The following CSMD3 variants were observed in gnomAD, a reference collection of about 807,000 sequenced individuals.
CSMD3 encodes CUB and Sushi multiple domains 3.
A neutral mutation model predicts 435.2 loss-of-function variants in CSMD3; 177 were observed. The observed-to-expected ratio is 0.41, with a 90% CI of 0.36 to 0.46. The LOEUF is 0.46. Ranked by LOEUF, CSMD3 falls within the 20% of genes least tolerant of loss-of-function variation. The pLI is 0.34. For missense variants in CSMD3, 4,265 were observed against 4,504.6 expected (o/e 0.95, Z 1.52); for synonymous variants, 1,656 against 1,520.5 (o/e 1.09, Z -2.07).
At chr8:112,937,494 G>A (rs1841145) in intron 9 of CSMD3, among the ~76,000 whole-genome samples, 64,801 of 151,462 alleles carry the variant, frequency 0.43, 13,995 homozygotes, top group East Asian at 0.52. Context: ...GGGATTACAG[G>A]TGCCCACCAC....
At chr8:113,427,701 T>A (rs2094644177) in intron 1 of CSMD3, among the ~76,000 whole-genome samples, 1 of 151,616 alleles carries the variant, frequency 6.6e-6, no homozygotes, top group Non-Finnish European at 1.5e-5. Flanking sequence ...TGGATATGCA[T>A]ATTTTAATTT....
At chr8:112,809,147 T>A (rs537757881) in intron 12 of CSMD3, among the ~76,000 whole-genome samples, 1 of 152,274 alleles carries the variant, frequency 6.6e-6, no homozygotes, top group East Asian at 1.9e-4. Flanking sequence ...TTAACTGAAT[T>A]CTCTCTTAAT....
intron 61 of CSMD3, among the ~76,000 whole-genome samples, chr8:112,259,889 T>A (rs1816217044): frequency 6.6e-6 from 1 of 152,190 alleles, no homozygotes; most frequent in African/African-American, 2.4e-5. Flanking sequence ...TATAACTAAC[T>A]TATTGCCTAA....
At chr8:112,383,732 TC>T (rs1225572872) in intron 36 of CSMD3, 69 bp from the exon 37 acceptor site, 72 of 955,368 alleles carry the variant, frequency 7.5e-5, no homozygotes, top group Non-Finnish European at 8.4e-5. Context: ...AGTCCACCAA[TC>T]CCCCTTGGAA....
chr8:112,955,739 G>C (rs1374225526), intron 7 of CSMD3, among the ~76,000 whole-genome samples: 1 of 151,654 alleles, frequency 6.6e-6, no homozygotes, highest in Non-Finnish European at 1.5e-5. Context: ...CTCAGTTACA[G>C]TGTGGAAATC....
chr8:112,816,719 G>A (rs1463191633), intron 12 of CSMD3, among the ~76,000 whole-genome samples: 1 of 151,798 alleles, frequency 6.6e-6, no homozygotes, highest in East Asian at 1.9e-4. Context: ...AACAAACTAA[G>A]AGCAATGATA....
At chr8:113,167,585 T>C (rs1462135945) in intron 4 of CSMD3, among the ~76,000 whole-genome samples, 1 of 152,210 alleles carries the variant, frequency 6.6e-6, no homozygotes, top group Non-Finnish European at 1.5e-5. Flanking sequence ...TTAAGGTGCA[T>C]GATAGGGCTA....
At chr8:113,018,897 A>G in intron 6 of CSMD3, 170 bp downstream of exon 6, 1 of 626,702 alleles carries the variant, frequency 1.6e-6, no homozygotes, top group Non-Finnish European at 2.8e-6. Flanking sequence ...TAACTTTAAT[A>G]CTGTAATTTA....
intron 5 of CSMD3, among the ~76,000 whole-genome samples, chr8:113,035,579 GTA>G (rs1409525120): frequency 2.0e-5 from 3 of 151,914 alleles, no homozygotes; most frequent in Non-Finnish European, 4.4e-5. Flanking sequence ...CTATATGATT[GTA>G]TATGTTTGTC....
chr8:112,535,370 A>T (rs1429105583), intron 27 of CSMD3, among the ~76,000 whole-genome samples: 1 of 152,124 alleles, frequency 6.6e-6, no homozygotes, highest in Non-Finnish European at 1.5e-5. Context: ...ATTCTTATAC[A>T]CCAATAACAG....
chr8:112,952,705 C>CA (rs2083867498), intron 8 of CSMD3, among the ~76,000 whole-genome samples: 1 of 150,620 alleles, frequency 6.6e-6, no homozygotes, highest in Non-Finnish European at 1.5e-5. Context: ...TACTTATCTT[C>CA]AAAAAAATGA....
rs372773312 is a variant in CSMD3, at chr8:112,666,463, C to T, written c.2678-48G>A. The T allele has an allele frequency of 6.0e-5, 93 of 1,537,908 alleles. 2 individuals are homozygous for T. Among genetic ancestry groups the T allele is most frequent in the South Asian group, 1.1e-4 (10 of 87,738 alleles). On this transcript the variant is annotated intron_variant, in intron 16 of 70. Coordinates refer to ENST00000297405, the MANE Select transcript of CSMD3 (RefSeq NM_198123.2). The stretch of plus-strand genomic sequence containing the variant: ...TAAGAATAAAACATTCAAGATAAAT[C>T]GCAGATATTATTCTTAATACAAACA...
chr8:112,926,332 A>G (rs1036778628), intron 9 of CSMD3, among the ~76,000 whole-genome samples: 1 of 152,074 alleles, frequency 6.6e-6, no homozygotes, highest in Non-Finnish European at 1.5e-5. Context: ...CAAGGAGGAC[A>G]AGCTGTATCC....
chr8:112,318,692 A>T (rs921712872), intron 47 of CSMD3, 145 bp downstream of exon 47: 58 of 630,080 alleles, frequency 9.2e-5, no homozygotes, highest in Non-Finnish European at 1.6e-4. Context: ...TCTAAATGAA[A>T]TAGCACATAT....
intron 3 of CSMD3, among the ~76,000 whole-genome samples, chr8:113,247,571 T>C (rs1046499173): frequency 3.3e-5 from 5 of 152,110 alleles, no homozygotes; most frequent in Non-Finnish European, 5.9e-5. Flanking sequence ...TTTTCAGAGA[T>C]CTGAAAAAAT....
At chr8:113,157,770 T>A (rs1266598323) in intron 4 of CSMD3, among the ~76,000 whole-genome samples, 1 of 152,102 alleles carries the variant, frequency 6.6e-6, no homozygotes, top group Non-Finnish European at 1.5e-5. Flanking sequence ...TCTGAATACA[T>A]AACATCCTTA....
At chr8:113,247,035 T>C (rs148012870) in intron 3 of CSMD3, among the ~76,000 whole-genome samples, 1 of 152,290 alleles carries the variant, frequency 6.6e-6, no homozygotes, top group Non-Finnish European at 1.5e-5. Flanking sequence ...TCTCTGGGCA[T>C]GTACACACTT....
At chr8:112,666,230 C>A (rs1410742237) in intron 17 of CSMD3, 47 bp downstream of exon 17, 5 of 1,401,730 alleles carry the variant, frequency 3.6e-6, no homozygotes, top group Non-Finnish European at 5.0e-6. Context: ...GTCAACTAAT[C>A]TTTTAGATAA....
intron 11 of CSMD3, among the ~76,000 whole-genome samples, chr8:112,850,012 G>A (rs1400728249): frequency 6.6e-6 from 1 of 152,018 alleles, no homozygotes; most frequent in Non-Finnish European, 1.5e-5. Context: ...ATGAAAAATA[G>A]GGATAATAAT....
Sources: gnomAD v4.1 joint callset for allele counts (sites outside exome capture counted in the v4.1 genomes callset) on GRCh38, gnomAD v4.1.1 for gene constraint, MANE v1.5 for transcripts, NCBI Gene and HGNC (gene_info 2026-07-23, HGNC 2026-07-21) for gene names.